The following MTRR variants were observed in gnomAD, a reference collection of about 807,000 sequenced individuals.
The protein encoded by MTRR is methionine synthase reductase.
In MTRR, 63 loss-of-function variants were observed where a neutral mutation model predicts 79.2. The observed-to-expected ratio is 0.80, with a 90% CI of 0.65 to 0.98. The LOEUF is 0.98. Ranked by LOEUF, MTRR falls within the 50% of genes least tolerant of loss-of-function variation. The pLI, the probability that MTRR is intolerant of heterozygous loss-of-function variation, is 0.00. For missense variants in MTRR, 895 were observed against 839.6 expected, an observed-to-expected ratio of 1.07 and a Z score of -0.82; for synonymous variants, 355 against 313.3, an observed-to-expected ratio of 1.13 and a Z score of -1.41.
intron 8 of MTRR, among the ~76,000 whole-genome samples, chr5:7,887,888 A>G (rs326125): frequency 0.19 from 27,651 of 144,042 alleles, 3,837 homozygotes; most frequent in African/African-American, 0.36. Flanking sequence ...GAAATAACCC[A>G]GGAAACCAAA....
upstream of MTRR, among the ~76,000 whole-genome samples, chr5:7,865,012 G>A (rs982724082): frequency 7.2e-5 from 11 of 152,262 alleles, no homozygotes; most frequent in East Asian, 1.7e-3. Flanking sequence ...GAAATATCAT[G>A]CCTTTCTAAA....
Position 7,897,205 on chromosome 5 carries a change from C to G in MTRR, c.1910C>G (p.Ala637Gly). ...ATCCAGCTTCATGGCCAGCAGGTGG[C>G]GAGAATCCTCCTCCAGGAGAACGGC... Reference protein sequence around the residue: ...DNIQLHGQQVARILLQENGHI... With the variant: ...DNIQLHGQQVGRILLQENGHI... The change falls in exon 14 of 15, where the codon GCG becomes GGG. Residue 637 changes from alanine to glycine, a missense_variant. Coordinates refer to ENST00000440940, the MANE Select transcript of MTRR (RefSeq NM_002454.3). 6.2e-7 allele frequency: 1 copy of G among 1,614,004 alleles called. No homozygotes were observed. The highest frequency in any genetic ancestry group is 8.5e-7 in the Non-Finnish European group (1 of 1,180,018).
rs996966324 is a variant in MTRR at position 7,878,084 on chromosome 5, A to G, written c.542A>G (p.Lys181Arg). The G allele has an allele frequency of 1.8e-5, 29 of 1,613,898 alleles. No homozygotes were observed. The Admixed American group carries it at 3.7e-4, about 20-fold the overall frequency. ...SPASSRTDLV[K>R]SELLHIESQV... Reference sequence around the variant, plus strand: ...GCATCCTCGAGGACAGACCTTGTGAAGTCAGAGCTGCTACACATTGAATCT... The same window carrying G: ...GCATCCTCGAGGACAGACCTTGTGAGGTCAGAGCTGCTACACATTGAATCT... The change falls in exon 5 of 15, where the codon AAG becomes AGG. Residue 181 changes from lysine to arginine, a missense_variant. Physicochemically the swap from Lys to Arg is conservative, Grantham distance 26. Transcript: ENST00000440940.
intron 1 of MTRR, among the ~76,000 whole-genome samples, chr5:7,855,057 A>T: frequency 6.6e-6 from 1 of 152,248 alleles, no homozygotes; most frequent in East Asian, 1.9e-4. Flanking sequence ...AGTGTGGGAC[A>T]TTCTACAGGG....
At position 7,899,911 on chromosome 5, in the gene MTRR, T is replaced by C; in HGVS notation, c.1953-3T>C. The C allele has an allele frequency of 6.2e-7, 1 of 1,614,088 alleles. No individual in the cohort carries two copies. The highest frequency in any genetic ancestry group is 1.3e-5 in the African/African-American group (1 of 75,056). On this transcript the variant is annotated splice_polypyrimidine_tract_variant and splice_region_variant and intron_variant, in intron 14 of 14. Transcript: ENST00000440940. ...GCAGTCATCTTATTATTTTCTTTTC[T>C]AGAGATGCAAAGAATATGGCCAAGG...
chr5:7,861,381 T>C, intron 1 of MTRR: 1 of 614,570 alleles, frequency 1.6e-6, no homozygotes, highest in Non-Finnish European at 2.6e-6. Context: ...CCAATATTAT[T>C]TTCAAATGAA....
intron 5 of MTRR, among the ~76,000 whole-genome samples, chr5:7,880,917 T>A (rs535099105): frequency 8.3e-4 from 126 of 152,254 alleles, no homozygotes; most frequent in South Asian, 1.2e-3. Flanking sequence ...GTTTGCACAT[T>A]CCCCTTAGCC....
intron 14 of MTRR, among the ~76,000 whole-genome samples, chr5:7,899,705 G>A (rs1383261846): frequency 2.0e-5 from 3 of 152,176 alleles, no homozygotes; most frequent in East Asian, 1.9e-4. Flanking sequence ...CTGTAGAACC[G>A]TGTGGTCAGC....
intron 5 of MTRR, among the ~76,000 whole-genome samples, chr5:7,881,780 T>G (rs1403215572): frequency 1.3e-5 from 2 of 152,172 alleles, no homozygotes; most frequent in African/African-American, 2.4e-5. Context: ...CGAGTGAATT[T>G]TAGCAGTAGC....
At chr5:7,897,430 A>G (rs953833192) in intron 14 of MTRR, among the ~76,000 whole-genome samples, 183 bp downstream of exon 14, 4 of 152,220 alleles carry the variant, frequency 2.6e-5, no homozygotes, top group East Asian at 1.9e-4. Context: ...AGAGGTTGTT[A>G]TTATCAGGGA....
chr5:7,887,793 CATATATATATATATATATATATATAT>C lies in MTRR; in HGVS notation c.1146+1103_1146+1128del, dbSNP rs372829698. ...GTATATATTTGTGTGTGTGTGTGTG[CATATATATATATATATATATATATAT>C]ATATATATATATGGGTTTTTTCAAA... is the stretch of plus-strand genomic sequence containing the variant. On this transcript the variant is annotated intron_variant, in intron 8 of 14. Coordinates refer to ENST00000440940, the MANE Select transcript of MTRR (RefSeq NM_002454.3). Among the ~76,000 whole-genome samples, 49 of 92,020 alleles carry C rather than the reference CATATATATATATATATATATATATAT, an allele frequency of 5.3e-4. 2 individuals carry two copies. The highest frequency in any genetic ancestry group is 2.0e-3 in the African/African-American group (36 of 18,254). The allele number at this position is 92,020 out of a possible 152,430, so 60.4% of individuals were successfully genotyped here.
At chr5:7,859,617 T>C in intron 1 of MTRR, 1 of 887,912 alleles carries the variant, frequency 1.1e-6, no homozygotes. Flanking sequence ...ACTTTGTTTG[T>C]TTCTTACACG....
At chr5:7,897,268 A>G (rs900125840) in intron 14 of MTRR, 21 bp downstream of exon 14, 1 of 1,612,612 alleles carries the variant, frequency 6.2e-7, no homozygotes, top group African/African-American at 1.3e-5. Flanking sequence ...ATCGTGCCTA[A>G]GTCGGGTAGG....
rs766827979 is a variant in MTRR at position 7,875,295 on chromosome 5, G to A, written c.321G>A (p.Gly107=). The A allele has an allele frequency of 1.2e-6, 2 of 1,613,836 alleles. No individual in the cohort carries two copies. Among genetic ancestry groups the A allele is most frequent in the Admixed American group, 1.7e-5 (1 of 59,996 alleles). Residue 107 remains glycine, a synonymous_variant, in exon 4 of 15, where the codon GGG becomes GGA. Coordinates refer to ENST00000440940, the MANE Select transcript of MTRR (RefSeq NM_002454.3). ...GDSEYTYFCN[G]GKIIDKRLQE... ...CAGAATACACCTACTTTTGCAATGG[G>A]GGGAAGATAATTGATAAACGACTTC...
intron 1 of MTRR, among the ~76,000 whole-genome samples, chr5:7,859,862 G>A (rs926381811): frequency 6.6e-6 from 1 of 152,206 alleles, no homozygotes; most frequent in African/African-American, 2.4e-5. Context: ...CAAGCTGTAG[G>A]TTGGTGATCT....
chr5:7,897,330 A>G lies in MTRR; in HGVS notation c.1952+83A>G, dbSNP rs531655205. 4.4e-5 allele frequency: 60 copies of G among 1,355,966 alleles called. 2 individuals are homozygous for G. In the South Asian group the frequency reaches 6.7e-4, roughly 15 times the overall value. 84.0% of individuals were successfully genotyped at this position (1,355,966 alleles called of 1,614,324 possible). On this transcript the variant is annotated intron_variant, in intron 14 of 14. Coordinates refer to ENST00000440940, the MANE Select transcript of MTRR (RefSeq NM_002454.3). Reference sequence around the variant, plus strand: ...AGAAAAAAAGGACCGAGAAGCCAATAATCTAGATATGTAGGGATAAGACAT... The same window carrying G: ...AGAAAAAAAGGACCGAGAAGCCAATGATCTAGATATGTAGGGATAAGACAT...
intron 2 of MTRR, chr5:7,863,289 A>C (rs1365512902): frequency 8.7e-6 from 3 of 346,584 alleles, no homozygotes; most frequent in Non-Finnish European, 1.1e-5. Context: ...GGAGAGAGTG[A>C]GAAGAAACAT....
At chr5:7,853,183 C>T (rs75171450) in intron 1 of MTRR, among the ~76,000 whole-genome samples, 5,876 of 152,238 alleles carry the variant, frequency 0.039, 162 homozygotes, top group Non-Finnish European at 0.054. Context: ...TAATTGAATC[C>T]TGGGGGCCAT....
chr5:7,881,178 G>A (rs2126715110), intron 5 of MTRR, among the ~76,000 whole-genome samples: 1 of 152,128 alleles, frequency 6.6e-6, no homozygotes, highest in South Asian at 2.1e-4. Flanking sequence ...TTTTACATCT[G>A]TGTTCTGCCC....
Sources: allele counts gnomAD v4.1 joint callset (sites outside exome capture counted in the v4.1 genomes callset), GRCh38; gene constraint gnomAD v4.1.1; transcripts MANE v1.5; gene names NCBI Gene and HGNC (gene_info 2026-07-23, HGNC 2026-07-21).